LRRTM4: variants seen among roughly 807,000 people sequenced by gnomAD.
The protein encoded by LRRTM4 is leucine-rich repeat transmembrane neuronal protein 4.
In LRRTM4, 25 loss-of-function variants were observed where a neutral mutation model predicts 47.6. That is an observed-to-expected ratio of 0.53 (90% CI 0.38 to 0.73). The LOEUF (loss-of-function observed/expected upper bound fraction) is 0.73. LRRTM4 is among the 30% of genes least tolerant of loss of function. The pLI, the probability that LRRTM4 is intolerant of heterozygous loss-of-function variation, is 0.00. For synonymous variants in LRRTM4, 311 were observed against 269.5 expected (o/e 1.15, Z -1.51); for missense variants, 638 against 713.4 (o/e 0.89, Z 1.20).
intron 3 of LRRTM4, among the ~76,000 whole-genome samples, chr2:76,759,796 C>T (rs905550358): frequency 5.9e-5 from 9 of 152,044 alleles, no homozygotes; most frequent in Non-Finnish European, 1.2e-4. Context: ...TGAGTTTCAG[C>T]GTAAATGTCA....
At chr2:76,921,508 G>C (rs549990202) in intron 3 of LRRTM4, among the ~76,000 whole-genome samples, 1 of 152,018 alleles carries the variant, frequency 6.6e-6, no homozygotes, top group South Asian at 2.1e-4. Context: ...CCACACTCAA[G>C]ATTTGAGGAA....
intron 3 of LRRTM4, among the ~76,000 whole-genome samples, chr2:77,321,005 A>T (rs1677771696): frequency 1.3e-5 from 2 of 151,198 alleles, no homozygotes; most frequent in Admixed American, 6.6e-5. Context: ...TAATAAGAAT[A>T]AAAAATATAG....
chr2:76,903,637 T>C (rs143770031), intron 3 of LRRTM4, among the ~76,000 whole-genome samples: 3 of 152,324 alleles, frequency 2.0e-5, no homozygotes, highest in African/African-American at 7.2e-5. Flanking sequence ...GTGATATTAT[T>C]ATCTAGAGAA....
intron 3 of LRRTM4, among the ~76,000 whole-genome samples, chr2:76,900,788 T>C (rs1673598118): frequency 6.6e-6 from 1 of 152,174 alleles, no homozygotes; most frequent in African/African-American, 2.4e-5. Context: ...ACAAAGAACA[T>C]TTAACATTAT....
At chr2:76,967,049 C>G (rs1466948893) in intron 3 of LRRTM4, among the ~76,000 whole-genome samples, 10 of 151,592 alleles carry the variant, frequency 6.6e-5, no homozygotes, top group Admixed American at 6.6e-5. Flanking sequence ...AATCAGGCTC[C>G]TAAGTCACTA....
chr2:77,375,953 C>T (rs995008392), intron 3 of LRRTM4, among the ~76,000 whole-genome samples: 4 of 151,770 alleles, frequency 2.6e-5, no homozygotes, highest in African/African-American at 9.7e-5. Context: ...CTGGCAACCA[C>T]CATTCTCTCT....
At chr2:77,190,073 C>T (rs1158248388) in intron 3 of LRRTM4, among the ~76,000 whole-genome samples, 1 of 151,940 alleles carries the variant, frequency 6.6e-6, no homozygotes, top group Non-Finnish European at 1.5e-5. Context: ...TTCTCATTTT[C>T]CAATAACTCC....
intron 3 of LRRTM4, among the ~76,000 whole-genome samples, chr2:77,031,154 AT>A: frequency 1.3e-5 from 2 of 152,302 alleles, no homozygotes; most frequent in African/African-American, 4.8e-5. Flanking sequence ...ATATAGCAAA[AT>A]ATCTATTTCT....
intron 3 of LRRTM4, among the ~76,000 whole-genome samples, chr2:77,448,048 G>A (rs375030143): frequency 6.6e-6 from 1 of 152,162 alleles, no homozygotes. Context: ...AGAGAAAGGT[G>A]CAAAAGACAG....
chr2:76,794,224 C>G (rs1318670522), intron 3 of LRRTM4, among the ~76,000 whole-genome samples: 3 of 152,092 alleles, frequency 2.0e-5, no homozygotes, highest in Non-Finnish European at 4.4e-5. Flanking sequence ...TTGAATCAGA[C>G]CTTGTTAGAT....
At position 77,371,580 on chromosome 2, in the gene LRRTM4, T is replaced by A. The variant is rs1376279704; in HGVS notation, c.1551+146738A>T. On this transcript the variant is annotated intron_variant, in intron 3 of 3. Coordinates refer to ENST00000409884, the MANE Select transcript of LRRTM4 (RefSeq NM_001134745.3). Reference sequence around the variant, plus strand: ...TTTACTGCCACAACCATCCTTTCTCTCTTTTCATCAATGACATAGAATGAA... The same window carrying A: ...TTTACTGCCACAACCATCCTTTCTCACTTTTCATCAATGACATAGAATGAA... Among the ~76,000 whole-genome samples the A allele has an allele frequency of 2.6e-5, 4 of 151,940 alleles. No homozygotes were observed. The Admixed American group carries it at 2.6e-4, about 10-fold the overall frequency.
At chr2:77,140,423 T>G (rs1423148086) in intron 3 of LRRTM4, among the ~76,000 whole-genome samples, 2 of 152,186 alleles carry the variant, frequency 1.3e-5, no homozygotes, top group African/African-American at 4.8e-5. Flanking sequence ...GCTAGCCATA[T>G]GTAGAAAGCT....
intron 3 of LRRTM4, among the ~76,000 whole-genome samples, chr2:76,846,055 A>G (rs747194929): frequency 2.0e-5 from 3 of 152,124 alleles, no homozygotes. Context: ...TGCTTTTCAT[A>G]TATATGCGCA....
intron 3 of LRRTM4, among the ~76,000 whole-genome samples, chr2:77,207,349 G>GTATATATATATATATATATATATATA (rs1553409290): frequency 8.3e-6 from 1 of 120,840 alleles, no homozygotes; most frequent in African/African-American, 3.7e-5. Context: ...TCATATATGT[G>GTATATATATATATATATATATATATA]TATATATATA....
At chr2:77,120,252 A>G (rs1671491818) in intron 3 of LRRTM4, among the ~76,000 whole-genome samples, 1 of 151,854 alleles carries the variant, frequency 6.6e-6, no homozygotes, top group Admixed American at 6.6e-5. Flanking sequence ...GGAACCATCT[A>G]GATATTCAAC....
intron 3 of LRRTM4, among the ~76,000 whole-genome samples, chr2:77,223,407 G>T (rs1160852257): frequency 6.6e-6 from 1 of 152,124 alleles, no homozygotes; most frequent in East Asian, 1.9e-4. Context: ...TAGGAAAAGA[G>T]GAAGTCAAAT....
intron 3 of LRRTM4, among the ~76,000 whole-genome samples, chr2:77,265,586 A>T (rs191989228): frequency 6.6e-6 from 1 of 152,086 alleles, no homozygotes; most frequent in South Asian, 2.1e-4. Flanking sequence ...TAAATTATCC[A>T]TCTGTGGCAT....
chr2:77,136,001 T>C (rs1346147117), intron 3 of LRRTM4, among the ~76,000 whole-genome samples: 2 of 151,970 alleles, frequency 1.3e-5, no homozygotes, highest in Non-Finnish European at 2.9e-5. Flanking sequence ...AAAAAGGGTA[T>C]TAAAAGGTTT....
intron 3 of LRRTM4, among the ~76,000 whole-genome samples, chr2:77,400,658 C>T (rs940027996): frequency 1.3e-5 from 2 of 151,800 alleles, no homozygotes; most frequent in East Asian, 1.9e-4. Context: ...TGTACTCCTC[C>T]GGGCTAGATA....
Sources: allele counts gnomAD v4.1 joint callset (sites outside exome capture counted in the v4.1 genomes callset), GRCh38; gene constraint gnomAD v4.1.1; transcripts MANE v1.5; gene names NCBI Gene and HGNC (gene_info 2026-07-23, HGNC 2026-07-21).